ANKH: variants seen among roughly 807,000 people sequenced by gnomAD.
ANKH encodes mineralization regulator ANKH.
A neutral mutation model predicts 49.0 loss-of-function variants in ANKH; 15 were observed. The observed-to-expected ratio is 0.31, with a 90% confidence interval of 0.20 to 0.47. The LOEUF is 0.47. ANKH is among the 20% of genes least tolerant of loss of function. The pLI, the probability that ANKH is intolerant of heterozygous loss-of-function variation, is 1.00. For missense variants in ANKH, 429 were observed against 652.0 expected, an observed-to-expected ratio of 0.66 and a Z score of 3.72; for synonymous variants, 273 against 260.0, an observed-to-expected ratio of 1.05 and a Z score of -0.48.
intron 1 of ANKH, chr5:14,797,229 C>T: frequency 7.4e-7 from 1 of 1,342,996 alleles, no homozygotes; most frequent in Non-Finnish European, 1.1e-6. Flanking sequence ...CGATACAGAA[C>T]ACATCACTCA....
At chr5:14,865,548 G>C (rs1735620557) in intron 1 of ANKH, among the ~76,000 whole-genome samples, 4 of 152,132 alleles carry the variant, frequency 2.6e-5, no homozygotes, top group African/African-American at 7.2e-5. Flanking sequence ...AGCACTTTAG[G>C]AAGTGGATCT....
intron 1 of ANKH, among the ~76,000 whole-genome samples, chr5:14,788,699 C>A (rs1740057783): frequency 6.6e-6 from 1 of 152,072 alleles, no homozygotes; most frequent in Non-Finnish European, 1.5e-5. Context: ...AGTAGAAAGG[C>A]AGAGAGAAAT....
At chr5:14,853,157 G>A (rs758464276) in intron 1 of ANKH, among the ~76,000 whole-genome samples, 2 of 152,124 alleles carry the variant, frequency 1.3e-5, no homozygotes, top group Non-Finnish European at 1.5e-5. Flanking sequence ...CAGTTCTTAA[G>A]GTGCAATTAA....
At chr5:14,871,329 T>C (rs772894106) in intron 1 of ANKH, 23 bp downstream of exon 1, 1 of 1,602,474 alleles carries the variant, frequency 6.2e-7, no homozygotes, top group Non-Finnish European at 8.5e-7. Flanking sequence ...CGAGCGGGCG[T>C]GGGGCGCGGG....
At chr5:14,790,907 G>A (rs1227780001) in intron 1 of ANKH, among the ~76,000 whole-genome samples, 1 of 152,156 alleles carries the variant, frequency 6.6e-6, no homozygotes, top group Non-Finnish European at 1.5e-5. Context: ...ACTATGCCCA[G>A]CCAAGATCCA....
At chr5:14,712,415 G>A (rs1022876619) in intron 11 of ANKH, among the ~76,000 whole-genome samples, 3 of 152,212 alleles carry the variant, frequency 2.0e-5, no homozygotes, top group East Asian at 1.9e-4. Context: ...GGGCCCTTGC[G>A]CAAGCTCTCG....
chr5:14,805,018 T>C (rs528066968), intron 1 of ANKH, among the ~76,000 whole-genome samples: 2 of 152,256 alleles, frequency 1.3e-5, no homozygotes, highest in East Asian at 1.9e-4. Context: ...GTCAACTTAA[T>C]TGGATTGAAG....
intron 1 of ANKH, among the ~76,000 whole-genome samples, chr5:14,818,830 C>T (rs188729050): frequency 6.6e-6 from 1 of 152,012 alleles, no homozygotes; most frequent in South Asian, 2.1e-4. Context: ...GTTCTGGTCG[C>T]CGACTCTTTG....
intron 1 of ANKH, among the ~76,000 whole-genome samples, chr5:14,844,891 T>C (rs1741912358): frequency 6.6e-6 from 1 of 152,218 alleles, no homozygotes; most frequent in Admixed American, 6.5e-5. Flanking sequence ...TGGGAGCATC[T>C]TTCGGGAGGA....
intron 1 of ANKH, among the ~76,000 whole-genome samples, chr5:14,808,038 T>C (rs1740758700): frequency 6.6e-6 from 1 of 152,258 alleles, no homozygotes; most frequent in South Asian, 2.1e-4. Context: ...ACTTTTTCCA[T>C]GCTCTGAAAT....
chr5:14,760,221 G>A (rs1489886640), intron 2 of ANKH, among the ~76,000 whole-genome samples: 2 of 152,184 alleles, frequency 1.3e-5, no homozygotes, highest in African/African-American at 2.4e-5. Flanking sequence ...GGCATGTCAC[G>A]TGGCAGAAAG....
chr5:14,776,452 CAG>C (rs1739625010), intron 1 of ANKH, among the ~76,000 whole-genome samples: 1 of 152,084 alleles, frequency 6.6e-6, no homozygotes, highest in South Asian at 2.1e-4. Context: ...CTAGAAAGAA[CAG>C]AGATAGGAAA....
At chr5:14,867,436 C>T (rs1193709182) in intron 1 of ANKH, among the ~76,000 whole-genome samples, 1 of 152,120 alleles carries the variant, frequency 6.6e-6, no homozygotes, top group Non-Finnish European at 1.5e-5. Context: ...GATTCTCAAT[C>T]TGTAAAAATT....
At chr5:14,826,391 C>T (rs561587688) in intron 1 of ANKH, among the ~76,000 whole-genome samples, 4 of 152,284 alleles carry the variant, frequency 2.6e-5, no homozygotes, top group South Asian at 2.1e-4. Flanking sequence ...AAAGGGACAG[C>T]GAAAAAGACC....
chr5:14,716,009 T>C (rs939764872), intron 9 of ANKH, among the ~76,000 whole-genome samples: 5 of 152,098 alleles, frequency 3.3e-5, no homozygotes, highest in Non-Finnish European at 7.4e-5. Context: ...TTTTTCTTTT[T>C]TTGATTTCAC....
rs1173659096 is a variant in ANKH, at chr5:14,797,968, G to T, written c.97-28777C>A. On this transcript the variant is annotated intron_variant, in intron 1 of 11. Transcript: ENST00000284268. ...TCAAAGACAAGAATATCACTGGAAG[G>T]AGTCTTTGTTGTGATGATACAAGGG... 5.1e-6 allele frequency: 8 copies of T among 1,567,246 alleles called. No homozygotes were observed. The South Asian group carries it at 8.9e-5, about 17-fold the overall frequency.
rs560803700 is a variant in ANKH, at chr5:14,718,183, C to T, written c.1012-1348G>A. 1.6e-4 allele frequency among the ~76,000 whole-genome samples: 25 copies of T among 152,224 alleles called. 1 individual carries two copies. In the East Asian group the frequency reaches 4.8e-3, roughly 29 times the overall value. On this transcript the variant is annotated intron_variant, in intron 8 of 11. Transcript: ENST00000284268. ...CAGTGAGGCCCTCGCAGGTGAGAAACCCCATCCTGGTGTTTACAGCTTCCA... is the reference window on the plus strand; with the variant it reads ...CAGTGAGGCCCTCGCAGGTGAGAAATCCCATCCTGGTGTTTACAGCTTCCA...
intron 1 of ANKH, among the ~76,000 whole-genome samples, chr5:14,843,548 C>CG (rs1561080366): frequency 2.4e-4 from 5 of 21,102 alleles, no homozygotes; most frequent in African/African-American, 9.3e-4. Flanking sequence ...AGGGGATTAG[C>CG]GAAAAAAAAA....
chr5:14,859,840 T>C (rs951971517), intron 1 of ANKH, among the ~76,000 whole-genome samples: 1 of 152,230 alleles, frequency 6.6e-6, no homozygotes, highest in African/African-American at 2.4e-5. Context: ...GAGTAAAATA[T>C]GAATTTTACA....
Sources: allele counts gnomAD v4.1 joint callset (sites outside exome capture counted in the v4.1 genomes callset), GRCh38; gene constraint gnomAD v4.1.1; transcripts MANE v1.5; gene names NCBI Gene and HGNC (gene_info 2026-07-23, HGNC 2026-07-21).